FRMD6: variants seen among roughly 807,000 people sequenced by gnomAD.
FRMD6 encodes the protein FERM domain containing 6, also known as FERM domain-containing protein 6.
Under a neutral mutation model 73.2 loss-of-function variants are expected in FRMD6, and 37 were observed. The observed-to-expected ratio is 0.51, with a 90% CI of 0.39 to 0.66. The LOEUF is 0.66. Ranked by LOEUF, FRMD6 falls within the 30% of genes least tolerant of loss-of-function variation. The probability of loss-of-function intolerance (pLI) is 0.00; values close to 1 mark genes in which losing one functional copy is unlikely to be tolerated. For missense variants in FRMD6, 714 were observed against 780.5 expected (o/e 0.91, Z 1.02); for synonymous variants, 273 against 282.2 (o/e 0.97, Z 0.33).
At chr14:51,479,496 G>A in the FRMD6 span, among the ~76,000 whole-genome samples, 4,653 of 152,234 alleles carry the variant, frequency 0.031, 256 homozygotes, top group African/African-American at 0.11. Context: ...AGTTAGAGAG[G>A]TCACACAAAA....
At chr14:51,618,939 T>C (rs1570119) in intron 2 of FRMD6, among the ~76,000 whole-genome samples, 56,915 of 149,152 alleles carry the variant, frequency 0.38, 11,606 homozygotes, top group African/African-American at 0.52. Context: ...ATATTATATA[T>C]GTAATAATAA....
chr14:51,430,498 T>A, the FRMD6 span, among the ~76,000 whole-genome samples: 9 of 152,294 alleles, frequency 5.9e-5, no homozygotes, highest in South Asian at 2.1e-4. Context: ...TTGTTTTTTT[T>A]AATTCCTTTA....
At chr14:51,493,724 A>G (rs935731784) in intron 1 of FRMD6, among the ~76,000 whole-genome samples, 2 of 152,208 alleles carry the variant, frequency 1.3e-5, no homozygotes, top group Non-Finnish European at 1.5e-5. Flanking sequence ...GTTTTCTATC[A>G]TATTACTCAG....
the FRMD6 span, among the ~76,000 whole-genome samples, chr14:51,468,131 A>T: frequency 6.6e-6 from 1 of 152,048 alleles, no homozygotes; most frequent in East Asian, 1.9e-4. Context: ...TCCACCAAAA[A>T]AATACAAAAA....
intron 1 of FRMD6, among the ~76,000 whole-genome samples, chr14:51,672,200 G>A (rs779496164): frequency 5.9e-5 from 9 of 152,182 alleles, no homozygotes; most frequent in Non-Finnish European, 1.2e-4. Flanking sequence ...GGATATTCAA[G>A]GCATTTTGCT....
At chr14:51,719,827 T>C (rs1022375816) in intron 10 of FRMD6, among the ~76,000 whole-genome samples, 5 of 152,234 alleles carry the variant, frequency 3.3e-5, no homozygotes, top group Admixed American at 2.0e-4. Flanking sequence ...TTATACTGCT[T>C]GAAGCTTTCA....
the FRMD6 span, among the ~76,000 whole-genome samples, chr14:51,433,636 G>T: frequency 6.6e-6 from 1 of 152,174 alleles, no homozygotes; most frequent in Non-Finnish European, 1.5e-5. Flanking sequence ...GAAAAAATAA[G>T]CCAGGAGTAA....
the FRMD6 span, among the ~76,000 whole-genome samples, chr14:51,458,410 T>TA: frequency 1.3e-5 from 2 of 152,210 alleles, no homozygotes; most frequent in African/African-American, 2.4e-5. Flanking sequence ...TTATGTGTCT[T>TA]ATCTTCAAGC....
intron 2 of FRMD6, among the ~76,000 whole-genome samples, chr14:51,623,612 A>C (rs1381203592): frequency 6.6e-6 from 1 of 152,188 alleles, no homozygotes; most frequent in African/African-American, 2.4e-5. Flanking sequence ...ATCATCCTTC[A>C]AAGTTTTCCC....
At chr14:51,404,044 T>C in the FRMD6 span, among the ~76,000 whole-genome samples, 2 of 152,226 alleles carry the variant, frequency 1.3e-5, no homozygotes, top group Admixed American at 1.3e-4. Context: ...CTAAGTGTTA[T>C]GTACCACATG....
chr14:51,482,459 A>G, the FRMD6 span, among the ~76,000 whole-genome samples: 503 of 152,336 alleles, frequency 3.3e-3, no homozygotes, highest in Non-Finnish European at 5.5e-3. Context: ...GAAGTGCTCC[A>G]TGGGTGTTTC....
chr14:51,420,041 G>T, the FRMD6 span, among the ~76,000 whole-genome samples: 2 of 151,956 alleles, frequency 1.3e-5, no homozygotes, highest in Admixed American at 6.6e-5. Context: ...TTTTAGGTGC[G>T]ACTGAGTTCT....
At chr14:51,460,058 T>C in the FRMD6 span, among the ~76,000 whole-genome samples, 2 of 152,040 alleles carry the variant, frequency 1.3e-5, no homozygotes, top group East Asian at 3.9e-4. Context: ...TATCATGAAA[T>C]CTTTCCAAGT....
the FRMD6 span, among the ~76,000 whole-genome samples, chr14:51,399,884 G>T: frequency 2.6e-5 from 4 of 151,684 alleles, no homozygotes; most frequent in Admixed American, 2.6e-4. Context: ...AAGAAAGTGA[G>T]AATTTTTGAA....
At chr14:51,627,245 A>T (rs1891152208) in intron 2 of FRMD6, among the ~76,000 whole-genome samples, 1 of 152,226 alleles carries the variant, frequency 6.6e-6, no homozygotes. Flanking sequence ...AAACTTCCCT[A>T]TTCTTTGAGA....
intron 1 of FRMD6, among the ~76,000 whole-genome samples, chr14:51,527,737 TG>T (rs1471777570): frequency 6.6e-6 from 1 of 152,236 alleles, no homozygotes; most frequent in African/African-American, 2.4e-5. Flanking sequence ...TAAAACTAAC[TG>T]TACCTTTCAG....
chr14:51,607,787 G>A (rs1890323767), intron 2 of FRMD6, among the ~76,000 whole-genome samples: 1 of 152,172 alleles, frequency 6.6e-6, no homozygotes, highest in African/African-American at 2.4e-5. Flanking sequence ...ACAAGTCACC[G>A]GCCTTCCGGG....
intron 1 of FRMD6, among the ~76,000 whole-genome samples, chr14:51,674,709 C>T (rs1894262000): frequency 6.6e-6 from 1 of 151,982 alleles, no homozygotes; most frequent in Admixed American, 6.6e-5. Flanking sequence ...TTTCCTTCCC[C>T]CACACCCTTT....
At chr14:51,427,941 A>C in the FRMD6 span, among the ~76,000 whole-genome samples, 9 of 152,256 alleles carry the variant, frequency 5.9e-5, no homozygotes, top group Admixed American at 6.5e-5. Context: ...ATTCTTTAAA[A>C]ATTCACAAAA....
Sources: gnomAD v4.1 joint callset for allele counts (sites outside exome capture counted in the v4.1 genomes callset) on GRCh38, gnomAD v4.1.1 for gene constraint, MANE v1.5 for transcripts, NCBI Gene and HGNC (gene_info 2026-07-23, HGNC 2026-07-21) for gene names.